The following PLCG2 variants were observed in gnomAD, a reference collection of about 807,000 sequenced individuals.
PLCG2 encodes the protein phospholipase C gamma 2.
In PLCG2, 69 loss-of-function variants were observed where a neutral mutation model predicts 175.6. The ratio of observed to expected loss-of-function variants is 0.39; its 90% confidence interval spans 0.32 to 0.48. PLCG2 has a LOEUF of 0.48. PLCG2 is among the 20% of genes least tolerant of loss of function. The pLI is 0.91. For missense variants in PLCG2, 1,798 were observed against 1,650.9 expected (o/e 1.09, Z -1.54); for synonymous variants, 827 against 624.0 (o/e 1.33, Z -4.85).
At chr16:81,814,975 A>T (rs1904478978) in intron 2 of PLCG2, among the ~76,000 whole-genome samples, 1 of 152,220 alleles carries the variant, frequency 6.6e-6, no homozygotes, top group Non-Finnish European at 1.5e-5. Context: ...GATGGTGGCG[A>T]TAAGAAGTTA....
chr16:81,921,211 A>C lies in PLCG2; in HGVS notation c.2249A>C (p.Asn750Thr). 1.3e-6 allele frequency: 2 copies of C among 1,596,458 alleles called. No individual in the cohort carries two copies. The highest frequency in any genetic ancestry group is 1.7e-6 in the Non-Finnish European group (2 of 1,164,190). Residue 750 changes from asparagine to threonine, a missense_variant, in exon 21 of 33, where the codon AAC (asparagine) becomes ACC (threonine). Asn to Thr is a moderately conservative substitution (Grantham distance 65). Transcript: ENST00000564138. The stretch of plus-strand genomic sequence containing the variant: ...TTTTTTTTCCAGGAAAGAGATATAA[A>C]CTCCCTCTACGACGTCAGCAGAATG... Reference protein sequence around the residue: ...LERYNMERDINSLYDVSRMYV... With the variant: ...LERYNMERDITSLYDVSRMYV...
chr16:81,756,753 G>C (rs1241849712), intron 2 of PLCG2, among the ~76,000 whole-genome samples: 1 of 152,204 alleles, frequency 6.6e-6, no homozygotes, highest in African/African-American at 2.4e-5. Context: ...ACAGTGAGTT[G>C]CCCAAACAAC....
chr16:81,944,293 T>C (rs937350702), intron 30 of PLCG2, among the ~76,000 whole-genome samples: 4 of 152,202 alleles, frequency 2.6e-5, no homozygotes, highest in Non-Finnish European at 5.9e-5. Flanking sequence ...CAAGCTTGGG[T>C]TGAAAATATT....
At chr16:81,875,727 G>C (rs1907749564) in intron 7 of PLCG2, among the ~76,000 whole-genome samples, 1 of 152,160 alleles carries the variant, frequency 6.6e-6, no homozygotes, top group African/African-American at 2.4e-5. Context: ...TGTGGTTACA[G>C]CATTCTTACA....
intron 2 of PLCG2, among the ~76,000 whole-genome samples, chr16:81,836,733 A>AT: frequency 6.6e-6 from 1 of 152,304 alleles, no homozygotes. Context: ...GAGCAACACT[A>AT]TGTCTCAAAA....
At chr16:81,781,722 T>A (rs1033232085) in intron 1 of PLCG2, among the ~76,000 whole-genome samples, 2 of 152,200 alleles carry the variant, frequency 1.3e-5, no homozygotes, top group Non-Finnish European at 2.9e-5. Context: ...ACTCAAGTAT[T>A]TGCCTGTGCT....
chr16:81,880,501 A>G (rs1908026376), intron 7 of PLCG2, among the ~76,000 whole-genome samples: 1 of 152,354 alleles, frequency 6.6e-6, no homozygotes, highest in Admixed American at 6.5e-5. Context: ...TTATTGTGGA[A>G]TACAATGGTT....
intron 29 of PLCG2, among the ~76,000 whole-genome samples, chr16:81,939,530 C>T (rs1009456923): frequency 6.6e-6 from 1 of 152,166 alleles, no homozygotes; most frequent in Non-Finnish European, 1.5e-5. Flanking sequence ...AGCTGTAGAA[C>T]CCCCTGCTGG....
rs1490666546 is a variant in PLCG2 at position 81,958,218 on chromosome 16, G to C, written c.*220G>C. 1 of 550,784 alleles carries C rather than the reference G, an allele frequency of 1.8e-6. No homozygotes were observed. Among genetic ancestry groups the C allele is most frequent in the Admixed American group, 3.2e-5 (1 of 31,652 alleles). The allele number at this position is 550,784 out of a possible 1,614,324, so 34.1% of individuals were successfully genotyped here. On this transcript the variant is annotated 3_prime_UTR_variant, in exon 33 of 33. Coordinates refer to ENST00000564138, the MANE Select transcript of PLCG2 (RefSeq NM_002661.5). ...TTCTTAACTTATATTCTTTATAGAG[G>C]ATTCCCCAAAATGTGCTCCTCATTT...
intron 7 of PLCG2, among the ~76,000 whole-genome samples, chr16:81,877,043 A>G (rs1390851314): frequency 6.6e-6 from 1 of 152,158 alleles, no homozygotes; most frequent in Non-Finnish European, 1.5e-5. Flanking sequence ...GGCTTATTTT[A>G]CTACCTGATG....
intron 1 of PLCG2, among the ~76,000 whole-genome samples, chr16:81,782,938 C>A (rs1910805099): frequency 6.6e-6 from 1 of 152,192 alleles, no homozygotes; most frequent in Admixed American, 6.5e-5. Context: ...TCCTTTAGGG[C>A]AACCTGTGAG....
intron 14 of PLCG2, among the ~76,000 whole-genome samples, chr16:81,903,003 C>A (rs567101347): frequency 6.6e-6 from 1 of 152,148 alleles, no homozygotes; most frequent in African/African-American, 2.4e-5. Context: ...TCCTATGACA[C>A]GTGGGAATTA....
chr16:81,958,155 G>T lies in PLCG2; in HGVS notation c.*157G>T. 1 of 614,590 alleles carries T rather than the reference G, an allele frequency of 1.6e-6. No individual in the cohort carries two copies. The highest frequency in any genetic ancestry group is 2.7e-5 in the Admixed American group (1 of 36,448). The allele number at this position is 614,590 out of a possible 1,614,324, so 38.1% of individuals were successfully genotyped here. A position where few individuals can be genotyped will look rare whatever the true frequency, so the allele number is the denominator to read the frequency against. On this transcript the variant is annotated 3_prime_UTR_variant, in exon 33 of 33. Transcript: ENST00000564138. ...ATTTCTTAAGACCCAACTGGCATGAGTTGGGGTAATTTCCTATTATTTTCA... is the reference window on the plus strand; with the variant it reads ...ATTTCTTAAGACCCAACTGGCATGATTTGGGGTAATTTCCTATTATTTTCA...
chr16:81,957,847 T>C (rs948739946), intron 32 of PLCG2, 109 bp from the exon 33 acceptor site: 20 of 949,018 alleles, frequency 2.1e-5, no homozygotes, highest in Middle Eastern at 2.1e-4. Context: ...CCCTATACCA[T>C]CCAGCTATGA....
At chr16:81,789,850 C>T (rs1035118349) in intron 2 of PLCG2, among the ~76,000 whole-genome samples, 1 of 149,476 alleles carries the variant, frequency 6.7e-6, no homozygotes, top group East Asian at 1.9e-4. Flanking sequence ...CTTTGCCCCC[C>T]CTCCATTGCC....
intron 2 of PLCG2, among the ~76,000 whole-genome samples, chr16:81,820,016 G>C (rs1219073311): frequency 1.3e-5 from 2 of 152,148 alleles, no homozygotes; most frequent in Non-Finnish European, 2.9e-5. Flanking sequence ...TACCCTCCAG[G>C]GAGCACTGGA....
intron 25 of PLCG2, among the ~76,000 whole-genome samples, chr16:81,932,289 C>T (rs1910534768): frequency 6.6e-6 from 1 of 152,202 alleles, no homozygotes; most frequent in Non-Finnish European, 1.5e-5. Context: ...AACCACACTT[C>T]TCTGGGCCTC....
At chr16:81,933,102 G>A (rs117542781) in intron 25 of PLCG2, among the ~76,000 whole-genome samples, 1 of 152,236 alleles carries the variant, frequency 6.6e-6, no homozygotes, top group African/African-American at 2.4e-5. Flanking sequence ...CCGCGTGAAG[G>A]TTCCTGAAAT....
chr16:81,834,315 G>C (rs1469019182), intron 2 of PLCG2, among the ~76,000 whole-genome samples: 1 of 152,146 alleles, frequency 6.6e-6, no homozygotes, highest in African/African-American at 2.4e-5. Flanking sequence ...TGACCTCGGA[G>C]GGCTCGGTGT....
Sources: gnomAD v4.1 joint callset for allele counts (sites outside exome capture counted in the v4.1 genomes callset) on GRCh38, gnomAD v4.1.1 for gene constraint, MANE v1.5 for transcripts, NCBI Gene and HGNC (gene_info 2026-07-23, HGNC 2026-07-21) for gene names.